The following TRPM6 variants were observed in gnomAD, a reference collection of about 807,000 sequenced individuals.
TRPM6 encodes transient receptor potential cation channel subfamily M member 6.
TRPM6 carries 111 observed loss-of-function variants against 247.6 expected under a neutral mutation model. The observed-to-expected ratio is 0.45, with a 90% CI of 0.38 to 0.52. TRPM6 has a LOEUF of 0.52. Among genes scored for constraint, TRPM6 ranks in the 20% least tolerant of loss-of-function variants. The pLI, the probability that TRPM6 is intolerant of heterozygous loss-of-function variation, is 0.00. For missense variants in TRPM6, 2,126 were observed against 2,421.5 expected (o/e 0.88, Z 2.56); for synonymous variants, 892 against 853.8 (o/e 1.04, Z -0.78).
rs74342128 is a variant in TRPM6, at chr9:74,772,395, C to A, written c.3404-560G>T. 4.5e-3 allele frequency among the ~76,000 whole-genome samples: 687 copies of A among 152,314 alleles called. 4 individuals are homozygous for A. Among genetic ancestry groups the A allele is most frequent in the African/African-American group, 0.016 (645 of 41,582 alleles). On this transcript the variant is annotated intron_variant, in intron 24 of 38. Coordinates refer to ENST00000360774, the MANE Select transcript of TRPM6 (RefSeq NM_017662.5). Reference sequence around the variant, plus strand: ...TTCAATATTTTCACAGGTTAGAATGCTTTCACATTTAAGAAAAATTCACTG... The same window carrying A: ...TTCAATATTTTCACAGGTTAGAATGATTTCACATTTAAGAAAAATTCACTG...
intron 12 of TRPM6, among the ~76,000 whole-genome samples, chr9:74,811,194 A>T (rs908629855): frequency 3.3e-5 from 5 of 152,240 alleles, no homozygotes; most frequent in African/African-American, 9.6e-5. Context: ...TCCAGCAACA[A>T]ATATTTATTG....
rs761780724 is a variant in TRPM6 at position 74,785,954 on chromosome 9, T to C, written c.2839A>G (p.Ile947Val). The C allele has an allele frequency of 1.2e-5, 20 of 1,614,128 alleles. No individual in the cohort carries two copies. The East Asian group carries it at 1.8e-4, about 14-fold the overall frequency. Residue 947 changes from isoleucine to valine, a missense_variant, in exon 21 of 39, where the codon ATA becomes GTA. Ile to Val is a conservative substitution (Grantham distance 29). Transcript: ENST00000360774. ...TCCAGGAGCCGTGAGAACCAGAATA[T>C]GATGTCTATGCAGTAGATCAGTCTT... The part of the protein sequence containing the change: ...AGRLIYCIDI[I>V]FWFSRLLDFF...
At chr9:74,749,327 T>G (rs1826160994) in intron 30 of TRPM6, among the ~76,000 whole-genome samples, 1 of 152,244 alleles carries the variant, frequency 6.6e-6, no homozygotes, top group African/African-American at 2.4e-5. Context: ...CAAGTGTTTT[T>G]ATAGAAAAAT....
At chr9:74,848,903 C>A (rs937616919) in intron 3 of TRPM6, among the ~76,000 whole-genome samples, 6 of 152,170 alleles carry the variant, frequency 3.9e-5, no homozygotes, top group African/African-American at 1.2e-4. Flanking sequence ...AGCTCAATTT[C>A]CAAAATGTTC....
Position 74,794,401 on chromosome 9 carries a change from G to A in TRPM6, c.2392-1631C>T, listed in dbSNP as rs73650079. Among the ~76,000 whole-genome samples, 1,207 of 152,104 alleles carry A rather than the reference G, an allele frequency of 7.9e-3. 15 individuals carry two copies. The highest frequency in any genetic ancestry group is 0.027 in the African/African-American group (1,108 of 41,498). On this transcript the variant is annotated intron_variant, in intron 18 of 38. Coordinates refer to ENST00000360774, the MANE Select transcript of TRPM6 (RefSeq NM_017662.5). ...GCCTCGGGCATCTAGATGGGTTATC[G>A]TCAGTGCCTAATTAATTATTCAGTC... is the stretch of plus-strand genomic sequence containing the variant.
intron 1 of TRPM6, among the ~76,000 whole-genome samples, chr9:74,870,306 A>G (rs2118454114): frequency 6.6e-6 from 1 of 152,302 alleles, no homozygotes; most frequent in Middle Eastern, 3.4e-3. Context: ...TTCCCTAATA[A>G]GCTAATAACC....
intron 37 of TRPM6, among the ~76,000 whole-genome samples, chr9:74,731,212 A>C (rs1187483934): frequency 6.6e-6 from 1 of 152,202 alleles, no homozygotes; most frequent in African/African-American, 2.4e-5. Flanking sequence ...GACATATGCC[A>C]AGGTCAAAAT....
At chr9:74,819,896 G>A (rs933004878) in intron 9 of TRPM6, among the ~76,000 whole-genome samples, 1 of 152,208 alleles carries the variant, frequency 6.6e-6, no homozygotes, top group African/African-American at 2.4e-5. Context: ...AGCAGTGACA[G>A]CAAGAAGTCA....
chr9:74,743,840 CT>C (rs1351716804), intron 32 of TRPM6, among the ~76,000 whole-genome samples: 2 of 152,204 alleles, frequency 1.3e-5, no homozygotes, highest in Admixed American at 6.5e-5. Context: ...TCAAGGTCAT[CT>C]TTCTACTTTG....
chr9:74,857,202 A>G (rs1187869883), intron 2 of TRPM6, among the ~76,000 whole-genome samples: 1 of 152,198 alleles, frequency 6.6e-6, no homozygotes, highest in Non-Finnish European at 1.5e-5. Context: ...AAGCAGGTAA[A>G]AAGAGAATTT....
chr9:74,813,710 T>A (rs1828821654), intron 11 of TRPM6, among the ~76,000 whole-genome samples: 1 of 151,614 alleles, frequency 6.6e-6, no homozygotes, highest in Admixed American at 6.6e-5. Context: ...AACAAACAGA[T>A]CAAAAAACAT....
In TRPM6 at chr9:74,724,601, G is replaced by A; in HGVS notation, c.*12C>T. The A allele has an allele frequency of 3.1e-6, 5 of 1,614,062 alleles. No homozygotes were observed. Among genetic ancestry groups the A allele is most frequent in the African/African-American group, 1.3e-5 (1 of 75,030 alleles). ...GCAGGGCAAGCACTGGGATCTTCTT[G>A]CTCCTCCCTTTTTATAGTTGCATAT... On this transcript the variant is annotated 3_prime_UTR_variant, in exon 39 of 39. Coordinates refer to ENST00000360774, the MANE Select transcript of TRPM6 (RefSeq NM_017662.5).
chr9:74,847,523 T>C (rs552293967), intron 3 of TRPM6, among the ~76,000 whole-genome samples: 49 of 152,260 alleles, frequency 3.2e-4, no homozygotes, highest in African/African-American at 8.4e-4. Context: ...CTGATGGTAG[T>C]AGGTTATCAG....
chr9:74,815,344 G>C (rs1828889346), intron 11 of TRPM6, among the ~76,000 whole-genome samples: 1 of 152,150 alleles, frequency 6.6e-6, no homozygotes, highest in African/African-American at 2.4e-5. Context: ...CTGGGTGCTG[G>C]AAACTAGGCA....
chr9:74,847,294 G>A (rs765264597), intron 3 of TRPM6, among the ~76,000 whole-genome samples: 18 of 152,104 alleles, frequency 1.2e-4, no homozygotes, highest in Middle Eastern at 3.4e-3. Context: ...TCAACTTCCC[G>A]TGCTCAATCA....
intron 27 of TRPM6, among the ~76,000 whole-genome samples, chr9:74,759,497 T>C (rs987354489): frequency 3.9e-5 from 6 of 152,120 alleles, no homozygotes; most frequent in African/African-American, 1.4e-4. Context: ...ATTGTTAATA[T>C]GGTCAAGAAC....
chr9:74,864,190 C>T (rs891645332), intron 1 of TRPM6, among the ~76,000 whole-genome samples: 1 of 152,140 alleles, frequency 6.6e-6, no homozygotes, highest in Non-Finnish European at 1.5e-5. Flanking sequence ...TTGGAATTCA[C>T]AACACTAGAA....
At position 74,759,470 on chromosome 9, in the gene TRPM6, A is replaced by T. The variant is rs145335098; in HGVS notation, c.4785+2226T>A. ...CAAAGATGTCAAGGCAACAACAGAA[A>T]AAAGATATCTTCTATTATTGTTAAT... On this transcript the variant is annotated intron_variant, in intron 27 of 38. Transcript: ENST00000360774. Among the ~76,000 whole-genome samples the T allele has an allele frequency of 1.6e-3, 239 of 152,328 alleles. 2 individuals carry two copies. The highest frequency in any genetic ancestry group is 5.4e-3 in the African/African-American group (226 of 41,600).
At chr9:74,801,672 T>C (rs1828342826) in intron 16 of TRPM6, among the ~76,000 whole-genome samples, 1 of 152,156 alleles carries the variant, frequency 6.6e-6, no homozygotes, top group Non-Finnish European at 1.5e-5. Flanking sequence ...GTCTAATTAG[T>C]CAACAGCTGG....
Sources: allele counts gnomAD v4.1 joint callset (sites outside exome capture counted in the v4.1 genomes callset), GRCh38; gene constraint gnomAD v4.1.1; transcripts MANE v1.5; gene names NCBI Gene and HGNC (gene_info 2026-07-23, HGNC 2026-07-21).